RIMS1: variants seen among roughly 807,000 people sequenced by gnomAD.
The protein encoded by RIMS1 is regulating synaptic membrane exocytosis protein 1.
RIMS1 carries 83 observed loss-of-function variants against 214.1 expected under a neutral mutation model. The ratio of observed to expected loss-of-function variants is 0.39; its 90% CI spans 0.32 to 0.47. The LOEUF (loss-of-function observed/expected upper bound fraction) is 0.47, where lower values mean the gene tolerates loss of function less well. Among genes scored for constraint, RIMS1 ranks in the 20% least tolerant of loss-of-function variants. The pLI is 0.99. For missense variants in RIMS1, 2,050 were observed against 2,161.8 expected (o/e 0.95, Z 1.03); for synonymous variants, 793 against 786.8 (o/e 1.01, Z -0.13).
At chr6:72,086,960 C>T (rs1834810496) in intron 2 of RIMS1, among the ~76,000 whole-genome samples, 1 of 152,168 alleles carries the variant, frequency 6.6e-6, no homozygotes, top group South Asian at 2.1e-4. Context: ...TGAGGGCCTT[C>T]ATTCACAGGT....
intron 1 of RIMS1, among the ~76,000 whole-genome samples, chr6:71,958,262 A>G (rs1266967602): frequency 1.3e-5 from 2 of 152,144 alleles, no homozygotes; most frequent in Non-Finnish European, 1.5e-5. Context: ...CACTATGTAA[A>G]GATTCGATGT....
intron 2 of RIMS1, among the ~76,000 whole-genome samples, chr6:72,072,112 ACT>A (rs1300273626): frequency 1.6e-4 from 25 of 152,144 alleles, no homozygotes; most frequent in Admixed American, 1.4e-3. Context: ...GTCTGGAAGA[ACT>A]CTGGGTCAGG....
chr6:72,349,177 A>G (rs959541401), intron 29 of RIMS1, among the ~76,000 whole-genome samples: 9 of 152,028 alleles, frequency 5.9e-5, no homozygotes, highest in African/African-American at 2.2e-4. Flanking sequence ...GGTACACCCA[A>G]TGATTAGTCA....
chr6:72,249,127 G>A (rs950685690), intron 12 of RIMS1, among the ~76,000 whole-genome samples: 5 of 152,052 alleles, frequency 3.3e-5, no homozygotes, highest in Non-Finnish European at 5.9e-5. Context: ...TGTTAAATTA[G>A]TTTATTTTGT....
intron 2 of RIMS1, among the ~76,000 whole-genome samples, chr6:71,982,050 A>C (rs1389670726): frequency 6.6e-6 from 1 of 152,096 alleles, no homozygotes; most frequent in African/African-American, 2.4e-5. Context: ...ATGGCAAACC[A>C]AGCCGCTAAA....
intron 29 of RIMS1, among the ~76,000 whole-genome samples, chr6:72,337,683 G>A (rs1246919990): frequency 6.6e-6 from 1 of 150,678 alleles, no homozygotes; most frequent in Non-Finnish European, 1.5e-5. Context: ...TTGGTGTGCT[G>A]CACCCATTAA....
intron 29 of RIMS1, among the ~76,000 whole-genome samples, chr6:72,339,331 G>A (rs926473033): frequency 7.2e-5 from 11 of 151,730 alleles, no homozygotes; most frequent in Non-Finnish European, 1.2e-4. Context: ...TGTGCACAAC[G>A]TGCAGGTTTG....
intron 2 of RIMS1, among the ~76,000 whole-genome samples, chr6:72,055,697 A>C (rs1825971959): frequency 6.6e-6 from 1 of 152,198 alleles, no homozygotes; most frequent in Non-Finnish European, 1.5e-5. Flanking sequence ...AGAAATCAAA[A>C]TCAAAATCAT....
At position 72,392,742 on chromosome 6, in the gene RIMS1, G is replaced by A; in HGVS notation, c.4550G>A (p.Ser1517Asn). Residue 1517 changes from serine (S) to asparagine (N), a missense_variant, in exon 31 of 34, where the codon AGT becomes AAT. By Grantham distance (46) the Ser-to-Asn change is conservative (BLOSUM62 1). Around this residue, in one of 6 missense-constraint regions of RIMS1, gnomAD observed 121 missense variants for 187.3 expected, o/e 0.65. Transcript: ENST00000521978. ...GVRLGADSQFSDFLDGLGPAQ... is the reference protein window; with the variant it reads ...GVRLGADSQFNDFLDGLGPAQ... ...CGACTGGGAGCTGACAGTCAATTCA[G>A]TGATTTTCTTGATGGATTGGGACCA... 6.2e-7 allele frequency: 1 copy of A among 1,613,774 alleles called. No individual in the cohort carries two copies. Among genetic ancestry groups the A allele is most frequent in the Non-Finnish European group, 8.5e-7 (1 of 1,179,784 alleles).
intron 29 of RIMS1, among the ~76,000 whole-genome samples, chr6:72,358,234 T>C (rs889216100): frequency 1.3e-5 from 2 of 152,126 alleles, no homozygotes; most frequent in Non-Finnish European, 2.9e-5. Context: ...CAAAATATAA[T>C]TAAAGACTAT....
chr6:72,204,311 A>G (rs1301719272), intron 6 of RIMS1, among the ~76,000 whole-genome samples: 2 of 152,228 alleles, frequency 1.3e-5, no homozygotes, highest in African/African-American at 4.8e-5. Flanking sequence ...TTGTCATTCC[A>G]GTCGGTGCGG....
chr6:71,897,409 A>G (rs1371703041), intron 1 of RIMS1, among the ~76,000 whole-genome samples: 1 of 152,122 alleles, frequency 6.6e-6, no homozygotes, highest in Non-Finnish European at 1.5e-5. Context: ...TGTAATCTGG[A>G]TCCTACTTGC....
intron 27 of RIMS1, among the ~76,000 whole-genome samples, chr6:72,308,570 A>T (rs1403950618): frequency 6.6e-6 from 1 of 152,168 alleles, no homozygotes; most frequent in Non-Finnish European, 1.5e-5. Flanking sequence ...ATATTCTGTG[A>T]CTAATAAAAA....
At chr6:71,952,533 C>T (rs1047802384) in intron 1 of RIMS1, among the ~76,000 whole-genome samples, 5 of 152,152 alleles carry the variant, frequency 3.3e-5, no homozygotes, top group African/African-American at 1.2e-4. Context: ...AGGTAAGTAG[C>T]TGATGGAGGA....
chr6:72,340,360 A>G (rs944211109), intron 29 of RIMS1, among the ~76,000 whole-genome samples: 1 of 151,952 alleles, frequency 6.6e-6, no homozygotes, highest in African/African-American at 2.4e-5. Context: ...GTCCTTGCCC[A>G]TGCCTATGTC....
chr6:72,221,785 G>T (rs1470074509), intron 6 of RIMS1, among the ~76,000 whole-genome samples: 1 of 151,810 alleles, frequency 6.6e-6, no homozygotes, highest in Non-Finnish European at 1.5e-5. Context: ...TTAATACTGA[G>T]ATTATTATAA....
At chr6:72,029,140 G>C (rs915221998) in intron 2 of RIMS1, among the ~76,000 whole-genome samples, 4 of 152,106 alleles carry the variant, frequency 2.6e-5, no homozygotes, top group African/African-American at 9.7e-5. Context: ...TATTTTCTAT[G>C]ATGTGGCTTG....
At chr6:71,900,060 A>G (rs1381411785) in intron 1 of RIMS1, among the ~76,000 whole-genome samples, 1 of 151,804 alleles carries the variant, frequency 6.6e-6, no homozygotes, top group Admixed American at 6.6e-5. Flanking sequence ...TAATATTTTG[A>G]TAAAATAATA....
intron 6 of RIMS1, among the ~76,000 whole-genome samples, chr6:72,226,001 G>T (rs2060066678): frequency 6.6e-6 from 1 of 152,062 alleles, no homozygotes. Flanking sequence ...CATTATCAAT[G>T]ACCTTGAAGA....
Sources: allele counts gnomAD v4.1 joint callset (sites outside exome capture counted in the v4.1 genomes callset), GRCh38; gene constraint gnomAD v4.1.1; regional missense constraint gnomAD v4.1.1; transcripts MANE v1.5; gene names NCBI Gene and HGNC (gene_info 2026-07-23, HGNC 2026-07-21).